Variants in SLC22A4 observed in about 807,000 individuals in gnomAD.
SLC22A4 encodes the protein ET transporter.
A neutral mutation model predicts 56.6 loss-of-function variants in SLC22A4; 39 were observed. That is an observed-to-expected ratio of 0.69 (90% CI 0.53 to 0.90). The LOEUF (loss-of-function observed/expected upper bound fraction) is 0.90, where lower values mean the gene tolerates loss of function less well. SLC22A4 is among the 40% of genes least tolerant of loss of function. The probability of loss-of-function intolerance (pLI) is 0.00; values close to 1 mark genes in which losing one functional copy is unlikely to be tolerated. For missense variants in SLC22A4, 594 were observed against 696.5 expected (o/e 0.85, Z 1.66); for synonymous variants, 241 against 281.4 (o/e 0.86, Z 1.44).
In SLC22A4 at chr5:132,334,833, G is replaced by A; in HGVS notation, c.1162G>A (p.Ala388Thr). The A allele has an allele frequency of 6.2e-7, 1 of 1,613,894 alleles. No homozygotes were observed. Among genetic ancestry groups the A allele is most frequent in the Non-Finnish European group, 8.5e-7 (1 of 1,179,776 alleles). ...ALIEIPAYIT[A>T]WLLLRTLPRR... is the part of the protein sequence containing the mutation. ...GATTGAAATTCCAGCTTACATTACA[G>A]CCTGGCTGCTATTGCGAACCCTGCC... Residue 388 changes from alanine (A) to threonine (T), a missense_variant, in exon 7 of 10, where the codon GCC becomes ACC. Coordinates refer to ENST00000200652, the MANE Select transcript of SLC22A4 (RefSeq NM_003059.3).
intron 7 of SLC22A4, among the ~76,000 whole-genome samples, 174 bp from the exon 8 acceptor site, chr5:132,335,644 T>C (rs1750998511): frequency 6.6e-6 from 1 of 152,212 alleles, no homozygotes; most frequent in Admixed American, 6.5e-5. Flanking sequence ...TCACATGAGC[T>C]CCATCTTTGT....
At chr5:132,334,626 T>C (rs1023910658) in intron 6 of SLC22A4, 92 bp from the exon 7 acceptor site, 4 of 887,724 alleles carry the variant, frequency 4.5e-6, no homozygotes, top group Non-Finnish European at 5.8e-6. Context: ...TGGCTACTTA[T>C]AAGACAGCAA....
chr5:132,296,966 C>CT (rs548202861), intron 1 of SLC22A4, among the ~76,000 whole-genome samples: 415 of 152,214 alleles, frequency 2.7e-3, no homozygotes, highest in Middle Eastern at 0.014. Context: ...CCAGGATTTG[C>CT]TTTTTTTGGC....
At chr5:132,321,502 T>C (rs527600448) in intron 3 of SLC22A4, among the ~76,000 whole-genome samples, 1 of 152,338 alleles carries the variant, frequency 6.6e-6, no homozygotes, top group South Asian at 2.1e-4. Flanking sequence ...GCTTGTCTCC[T>C]GAAATGCTCT....
intron 1 of SLC22A4, among the ~76,000 whole-genome samples, chr5:132,299,705 C>G (rs1005601114): frequency 3.3e-5 from 5 of 152,140 alleles, no homozygotes; most frequent in African/African-American, 1.2e-4. Context: ...CCACCTGCCT[C>G]GGCCTCCCAA....
intron 5 of SLC22A4, among the ~76,000 whole-genome samples, chr5:132,330,121 G>T (rs1217420648): frequency 6.6e-6 from 1 of 152,198 alleles, no homozygotes; most frequent in Non-Finnish European, 1.5e-5. Context: ...TCCAAATAGT[G>T]CAAGAGAGAA....
rs1427569243 is a variant in SLC22A4 at position 132,294,674 on chromosome 5, CTCA to C, written c.61_63del (p.Ile21del). The C allele has an allele frequency of 1.2e-6, 2 of 1,614,058 alleles. No individual in the cohort carries two copies. Among genetic ancestry groups the C allele is most frequent in the Admixed American group, 1.7e-5 (1 of 60,014 alleles). ...GGGCGAGTGGGGGCCCTTCCAGCGC[CTCA>C]TCTTCTTCCTGCTCAGCGCCAGCAT... On this transcript the variant is annotated inframe_deletion, in exon 1 of 10. Transcript: ENST00000200652. The surrounding 1 kb of genome is among the most constrained non-coding windows in gnomAD (Gnocchi z 5.6).
chr5:132,335,065 T>C (rs1416184867), intron 7 of SLC22A4, 133 bp downstream of exon 7: 1 of 726,226 alleles, frequency 1.4e-6, no homozygotes, highest in African/African-American at 1.7e-5. Context: ...GACAGGTGAT[T>C]GCTCACTACG....
chr5:132,338,549 T>G (rs886208051), intron 8 of SLC22A4, among the ~76,000 whole-genome samples: 1 of 152,166 alleles, frequency 6.6e-6, no homozygotes, highest in Non-Finnish European at 1.5e-5. Context: ...GACTGGGGCT[T>G]ATTTCATCCC....
chr5:132,337,050 C>A (rs1751044133), intron 8 of SLC22A4, among the ~76,000 whole-genome samples: 1 of 152,010 alleles, frequency 6.6e-6, no homozygotes, highest in Admixed American at 6.6e-5. Flanking sequence ...AATAACATTA[C>A]AACGAACATT....
chr5:132,315,407 C>T lies in SLC22A4; in HGVS notation c.652+1639C>T, dbSNP rs534826156. The stretch of plus-strand genomic sequence containing the variant: ...TGGGACTTGTGCCAGGTGGTGGCAT[C>T]CCCGGTTCTATAGAATGGGCAGCAC... On this transcript the variant is annotated intron_variant, in intron 3 of 9. Coordinates refer to ENST00000200652, the MANE Select transcript of SLC22A4 (RefSeq NM_003059.3). Among the ~76,000 whole-genome samples the T allele has an allele frequency of 1.8e-4, 28 of 152,270 alleles. No homozygotes were observed. In the East Asian group the frequency reaches 5.2e-3, roughly 28 times the overall value.
In SLC22A4 at chr5:132,324,809, C is replaced by T. The variant is rs190527940; in HGVS notation, c.824+2454C>T. Among the ~76,000 whole-genome samples the T allele has an allele frequency of 2.6e-5, 4 of 152,204 alleles. No homozygotes were observed. In the East Asian group the frequency reaches 7.7e-4, roughly 29 times the overall value. ...CTACAGAGAGATTATAGTGTGCTAC[C>T]TCATTTGGCACTCCATTGACTTTTG... is the stretch of plus-strand genomic sequence containing the variant. On this transcript the variant is annotated intron_variant, in intron 4 of 9. Coordinates refer to ENST00000200652, the MANE Select transcript of SLC22A4 (RefSeq NM_003059.3).
chr5:132,317,838 GCCT>G (rs1183217314), intron 3 of SLC22A4, among the ~76,000 whole-genome samples: 1 of 152,102 alleles, frequency 6.6e-6, no homozygotes, highest in Non-Finnish European at 1.5e-5. Flanking sequence ...ATTTGAAGTT[GCCT>G]CAAAATCTCC....
chr5:132,327,320 T>C lies in SLC22A4; in HGVS notation c.868T>C (p.Phe290Leu), dbSNP rs966280365. 7.5e-6 allele frequency: 12 copies of C among 1,607,440 alleles called. No homozygotes were observed. The highest frequency in any genetic ancestry group is 6.8e-6 in the Non-Finnish European group (8 of 1,174,192). ...CCGATGGCTGATATCCCAGAGAAGA[T>C]TTAGAGAGGCTGAAGATATCATCCA... is the stretch of plus-strand genomic sequence containing the variant. ...SPRWLISQRR[F>L]REAEDIIQKA... Residue 290 changes from phenylalanine (F) to leucine (L), a missense_variant, in exon 5 of 10, where the codon TTT becomes CTT. Physicochemically the swap from Phe to Leu is conservative, Grantham distance 22. Coordinates refer to ENST00000200652, the MANE Select transcript of SLC22A4 (RefSeq NM_003059.3).
chr5:132,328,839 A>G (rs1311158661), intron 5 of SLC22A4, among the ~76,000 whole-genome samples: 32 of 120,872 alleles, frequency 2.6e-4, no homozygotes, highest in Non-Finnish European at 4.0e-4. Flanking sequence ...ATATATATAT[A>G]CACACACACA....
intron 6 of SLC22A4, 40 bp downstream of exon 6, chr5:132,331,890 A>G (rs368680485): frequency 5.6e-6 from 7 of 1,241,988 alleles, no homozygotes; most frequent in South Asian, 2.4e-5. Flanking sequence ...TATCCAGCAC[A>G]TAAGTATGCA....
intron 6 of SLC22A4, among the ~76,000 whole-genome samples, chr5:132,333,795 CTTT>C (rs59505471): frequency 4.0e-5 from 6 of 151,738 alleles, no homozygotes; most frequent in Admixed American, 3.9e-4. Context: ...AGAGAAGCTT[CTTT>C]TTTTTATTTA....
intron 5 of SLC22A4, among the ~76,000 whole-genome samples, chr5:132,330,645 G>C (rs1003815235): frequency 1.3e-5 from 2 of 152,142 alleles, no homozygotes; most frequent in African/African-American, 4.8e-5. Context: ...GGAATTGCTT[G>C]AACCTGGGAG....
At chr5:132,306,367 G>C (rs1280583773) in intron 1 of SLC22A4, among the ~76,000 whole-genome samples, 1 of 109,292 alleles carries the variant, frequency 9.1e-6, no homozygotes, top group Non-Finnish European at 1.8e-5. Context: ...TGAAAACGTG[G>C]TAGACCCAAA....
Sources: gnomAD v4.1 joint callset for allele counts (sites outside exome capture counted in the v4.1 genomes callset) on GRCh38, gnomAD v4.1.1 for gene constraint, Gnocchi (gnomAD v3.1) non-coding constraint, MANE v1.5 for transcripts, NCBI Gene and HGNC (gene_info 2026-07-23, HGNC 2026-07-21) for gene names.